Variants in PC observed in about 807,000 individuals in gnomAD.
The protein encoded by PC is pyruvate carboxylase.
In PC, 46 loss-of-function variants were observed where a neutral mutation model predicts 107.8. The observed-to-expected ratio is 0.43, with a 90% CI of 0.34 to 0.55. The LOEUF is 0.55. Ranked by LOEUF, PC falls within the 20% of genes least tolerant of loss-of-function variation. The probability of loss-of-function intolerance (pLI) is 0.04; values close to 1 mark genes in which losing one functional copy is unlikely to be tolerated. For missense variants in PC, 1,241 were observed against 1,643.1 expected (o/e 0.76, Z 4.23); for synonymous variants, 662 against 684.7 (o/e 0.97, Z 0.52).
intron 3 of PC, among the ~76,000 whole-genome samples, chr11:66,944,056 C>G (rs11606395): frequency 1.0e-4 from 11 of 106,750 alleles, no homozygotes; most frequent in Admixed American, 2.7e-4. Context: ...CCGAGGCGGG[C>G]GGAACACAAG....
At chr11:66,856,052 ACTG>A (rs1945794677) in intron 12 of PC, among the ~76,000 whole-genome samples, 1 of 152,114 alleles carries the variant, frequency 6.6e-6, no homozygotes, top group African/African-American at 2.4e-5. Context: ...TGGGCAGACC[ACTG>A]GTGGTGGCGG....
rs1467905778 is a variant in PC at position 66,857,752 on chromosome 11, C to T, written c.1369-4369G>A. ...TCCTACAGGGCGCTCACCATGGCCCCGCCGCTCCTGCTGCTGCTGCTGGCC... is the reference window on the plus strand; with the variant it reads ...TCCTACAGGGCGCTCACCATGGCCCTGCCGCTCCTGCTGCTGCTGCTGGCC... On this transcript the variant is annotated intron_variant, in intron 12 of 22. Transcript: ENST00000393960. This position sits in a 1 kb window ranked among gnomAD's most constrained non-coding sequence, Gnocchi z 7.1. The T allele has an allele frequency of 1.3e-6, 2 of 1,592,388 alleles. No homozygotes were observed. Among genetic ancestry groups the T allele is most frequent in the African/African-American group, 1.3e-5 (1 of 74,762 alleles).
In PC at chr11:66,904,088, C is replaced by T. The variant is rs571417060; in HGVS notation, c.1-31929G>A. ...TCTCACTTGCTACTAAGAGTAACCT[C>T]GCCTGGTAGGTAGGACAAGCACATC... On this transcript the variant is annotated intron_variant, in intron 3 of 22. Coordinates refer to ENST00000393960, the MANE Select transcript of PC (RefSeq NM_001040716.2). 2.2e-4 allele frequency among the ~76,000 whole-genome samples: 34 copies of T among 152,138 alleles called. No individual in the cohort carries two copies. In the South Asian group the frequency reaches 6.4e-3, roughly 29 times the overall value.
chr11:66,858,554 A>G lies in PC; in HGVS notation c.1369-5171T>C, dbSNP rs908758854. 4 of 1,533,344 alleles carry G rather than the reference A, an allele frequency of 2.6e-6. No homozygotes were observed. The African/African-American group carries it at 5.5e-5, about 21-fold the overall frequency. The allele number at this position is 1,533,344 out of a possible 1,614,324, so 95.0% of individuals were successfully genotyped here. A position where few individuals can be genotyped will look rare whatever the true frequency, so the allele number is the denominator to read the frequency against. On this transcript the variant is annotated intron_variant, in intron 12 of 22. Transcript: ENST00000393960. The surrounding 1 kb of genome is among the most constrained non-coding windows in gnomAD (Gnocchi z 5.9). ...GCCTGGCCGGCCGCTACTTCTGGGC[A>G]GTGCCCGAGGGCGAGTTCTCCTGTG...
intron 3 of PC, among the ~76,000 whole-genome samples, chr11:66,891,043 A>C (rs2136011169): frequency 6.6e-6 from 1 of 152,160 alleles, no homozygotes; most frequent in East Asian, 1.9e-4. Context: ...GTCAGACAAT[A>C]GGCATGGGGT....
At chr11:66,894,388 C>A (rs958637092) in intron 3 of PC, among the ~76,000 whole-genome samples, 4 of 152,218 alleles carry the variant, frequency 2.6e-5, no homozygotes, top group Admixed American at 2.0e-4. Flanking sequence ...CCAGCTTTTG[C>A]CCATGCAAGT....
Position 66,850,784 on chromosome 11 carries a change from T to A in PC, c.2363A>T (p.Gln788Leu), listed in dbSNP as rs775573658. The A allele has an allele frequency of 6.2e-7, 1 of 1,611,488 alleles. No homozygotes were observed. Among genetic ancestry groups the A allele is most frequent in the South Asian group, 1.1e-5 (1 of 91,086 alleles). Reference protein sequence around the residue: ...AGVAAMLACAQAGADVVDVAA... With the variant: ...AGVAAMLACALAGADVVDVAA... ...CACATCCACCACATCAGCTCCAGCC[T>A]GGGCACAGGCCAGCATGGCTGCCAC... Residue 788 changes from glutamine (Q) to leucine (L), a missense_variant, in exon 18 of 23, where the codon CAG becomes CTG. Gln to Leu is a moderately radical substitution (Grantham distance 113, BLOSUM62 -2). Coordinates refer to ENST00000393960, the MANE Select transcript of PC (RefSeq NM_001040716.2).
rs754636227 is a variant in PC, at chr11:66,858,526, C to G, written c.1369-5143G>C. 2.6e-6 allele frequency: 4 copies of G among 1,533,752 alleles called. No homozygotes were observed. Among genetic ancestry groups the G allele is most frequent in the Non-Finnish European group, 2.6e-6 (3 of 1,145,322 alleles). On this transcript the variant is annotated intron_variant, in intron 12 of 22. Transcript: ENST00000393960. The surrounding 1 kb of genome is among the most constrained non-coding windows in gnomAD (Gnocchi z 5.9). ...GACCTGGAAACGTGCGCCTCCCCGC[C>G]CGGCCTGGCCGGCCGCTACTTCTGG...
chr11:66,869,042 C>A (rs536915631), intron 9 of PC, 78 bp from the exon 10 acceptor site: 1 of 1,106,468 alleles, frequency 9.0e-7, no homozygotes, highest in Non-Finnish European at 1.4e-6. Context: ...ACAGGGATTC[C>A]GTCCCACCCA....
chr11:66,931,897 T>C (rs950924585), intron 3 of PC, among the ~76,000 whole-genome samples: 30 of 151,654 alleles, frequency 2.0e-4, no homozygotes, highest in African/African-American at 7.3e-4. Context: ...CAGTTGCCTG[T>C]AGTCCCAGCT....
In PC at chr11:66,858,156, G is replaced by T. The variant is rs1945985314; in HGVS notation, c.1369-4773C>A. ...CAACCAGCTGGGCCGCATCGCGCCGGGAGCCTTCGACGACTTCCTAGAGAG... is the reference window on the plus strand; with the variant it reads ...CAACCAGCTGGGCCGCATCGCGCCGTGAGCCTTCGACGACTTCCTAGAGAG... On this transcript the variant is annotated intron_variant, in intron 12 of 22. Transcript: ENST00000393960. The surrounding 1 kb of genome is among the most constrained non-coding windows in gnomAD (Gnocchi z 5.9). 1 of 1,610,668 alleles carries T rather than the reference G, an allele frequency of 6.2e-7. No homozygotes were observed. The highest frequency in any genetic ancestry group is 1.3e-5 in the African/African-American group (1 of 74,900).
chr11:66,942,706 G>A (rs978559737), intron 3 of PC, among the ~76,000 whole-genome samples: 15 of 152,108 alleles, frequency 9.9e-5, no homozygotes, highest in South Asian at 4.1e-4. Context: ...TGAACTGTAC[G>A]CTGGAAAATG....
chr11:66,849,588 G>A, intron 21 of PC, 23 bp downstream of exon 21: 1 of 1,613,990 alleles, frequency 6.2e-7, no homozygotes, highest in Non-Finnish European at 8.5e-7. Context: ...GGTGGAGTGT[G>A]GAGAAGCGCC....
chr11:66,907,587 C>T (rs1045168429), intron 3 of PC, among the ~76,000 whole-genome samples: 3 of 152,182 alleles, frequency 2.0e-5, no homozygotes, highest in Non-Finnish European at 2.9e-5. Context: ...CCTCCTGCCC[C>T]TCAGCTTGCC....
intron 12 of PC, chr11:66,860,103 C>T (rs1565229312): frequency 3.2e-6 from 5 of 1,551,736 alleles, no homozygotes; most frequent in East Asian, 2.4e-5. Context: ...AGCTTGGGCC[C>T]GACGGAGCCA....
intron 9 of PC, among the ~76,000 whole-genome samples, chr11:66,869,979 C>T (rs1946656162): frequency 6.6e-6 from 1 of 152,224 alleles, no homozygotes; most frequent in Non-Finnish European, 1.5e-5. Context: ...TCTCATTCTC[C>T]TGATGACAGG....
At position 66,848,473 on chromosome 11, in the gene PC, C is replaced by G. The variant is rs1945282845; in HGVS notation, c.*426G>C. ...ACCCATGGGGAGCTTGAAAGGCAGC[C>G]CCCCACTGCTGAGTGGTGCAGGCTG... On this transcript the variant is annotated 3_prime_UTR_variant, in exon 23 of 23. Transcript: ENST00000393960. The G allele has an allele frequency of 1.9e-6, 1 of 540,374 alleles. No homozygotes were observed. The highest frequency in any genetic ancestry group is 3.2e-6 in the Non-Finnish European group (1 of 308,084). 33.5% of individuals were successfully genotyped at this position (540,374 alleles called of 1,614,324 possible).
chr11:66,900,332 G>A (rs1007513446), intron 3 of PC, among the ~76,000 whole-genome samples: 6 of 151,750 alleles, frequency 4.0e-5, no homozygotes, highest in Non-Finnish European at 5.9e-5. Flanking sequence ...CCACCACCAC[G>A]CCCGACTAAT....
intron 3 of PC, among the ~76,000 whole-genome samples, chr11:66,883,903 T>C (rs912077196): frequency 1.3e-5 from 2 of 151,880 alleles, no homozygotes; most frequent in African/African-American, 2.4e-5. Flanking sequence ...TTGGGCAACA[T>C]ATTGAGATCC....
Sources: gnomAD v4.1 joint callset for allele counts (sites outside exome capture counted in the v4.1 genomes callset) on GRCh38, gnomAD v4.1.1 for gene constraint, Gnocchi (gnomAD v3.1) non-coding constraint, MANE v1.5 for transcripts, NCBI Gene and HGNC (gene_info 2026-07-23, HGNC 2026-07-21) for gene names.